The following GOLGA3 variants were observed in gnomAD, a reference collection of about 807,000 sequenced individuals.
The protein encoded by GOLGA3 is golgin A3.
GOLGA3 carries 75 observed loss-of-function variants against 169.4 expected under a neutral mutation model. The ratio of observed to expected loss-of-function variants is 0.44; its 90% CI spans 0.37 to 0.54. The LOEUF is 0.54. Ranked by LOEUF, GOLGA3 falls within the 20% of genes least tolerant of loss-of-function variation. The pLI is 0.00. For missense variants in GOLGA3, 1,899 were observed against 1,930.0 expected (o/e 0.98, Z 0.30); for synonymous variants, 824 against 822.4 (o/e 1.00, Z -0.03).
chr12:132,786,199 G>T, intron 15 of GOLGA3, 140 bp downstream of exon 15: 1 of 612,758 alleles, frequency 1.6e-6, no homozygotes, highest in Non-Finnish European at 2.9e-6. Context: ...TAACCTGGAA[G>T]ATGAGCGGGA....
chr12:132,808,698 C>G (rs577663131), intron 4 of GOLGA3, 149 bp from the exon 5 acceptor site: 1 of 700,996 alleles, frequency 1.4e-6, no homozygotes, highest in East Asian at 2.5e-5. Context: ...ACACAGGGTG[C>G]GGCCAGGCCT....
At chr12:132,781,085 G>C (rs1362002336) in intron 17 of GOLGA3, among the ~76,000 whole-genome samples, 171 bp from the exon 18 acceptor site, 1 of 152,256 alleles carries the variant, frequency 6.6e-6, no homozygotes. Flanking sequence ...GGTTGCGGGA[G>C]CATGATCACA....
At chr12:132,811,725 G>T in intron 4 of GOLGA3, 4 of 157,818 alleles carry the variant, frequency 2.5e-5, no homozygotes, top group Non-Finnish European at 2.6e-5. Context: ...CCCTCCCATA[G>T]TGCTGGGATT....
At chr12:132,793,858 A>G (rs1166106766) in intron 11 of GOLGA3, among the ~76,000 whole-genome samples, 2 of 152,216 alleles carry the variant, frequency 1.3e-5, no homozygotes, top group Admixed American at 6.5e-5. Flanking sequence ...CTCTCAGTGC[A>G]CACACACATG....
intron 8 of GOLGA3, among the ~76,000 whole-genome samples, chr12:132,798,789 G>A (rs1490509184): frequency 6.6e-6 from 1 of 152,140 alleles, no homozygotes; most frequent in Non-Finnish European, 1.5e-5. Flanking sequence ...CCCTGTGGGT[G>A]AGGAGGGGCA....
At chr12:132,819,397 C>T (rs1950119047) in intron 2 of GOLGA3, among the ~76,000 whole-genome samples, 1 of 152,084 alleles carries the variant, frequency 6.6e-6, no homozygotes. Context: ...GGCGTGGTGG[C>T]GGGCGCCTAT....
In GOLGA3 at chr12:132,777,586, G is replaced by A. The variant is rs944078640; in HGVS notation, c.3722+80C>T. 1.4e-5 allele frequency: 21 copies of A among 1,489,966 alleles called. No individual in the cohort carries two copies. The highest frequency in any genetic ancestry group is 1.4e-4 in the East Asian group (6 of 44,098). The allele number at this position is 1,489,966 out of a possible 1,614,324, so 92.3% of individuals were successfully genotyped here. On this transcript the variant is annotated intron_variant, in intron 19 of 23. Transcript: ENST00000450791. This position sits in a 1 kb window ranked among gnomAD's most constrained non-coding sequence, Gnocchi z 4.7. ...AATTTGCAAAATATAGATGACCCTC[G>A]CTGTGCTGAAGGTGTGAATTAGACC... is the stretch of plus-strand genomic sequence containing the variant.
intron 15 of GOLGA3, 25 bp downstream of exon 15, chr12:132,786,314 C>A: frequency 4.0e-6 from 6 of 1,506,234 alleles, no homozygotes; most frequent in Non-Finnish European, 5.4e-6. Context: ...GTGACCCTGG[C>A]CGGGGATGGC....
Position 132,772,543 on chromosome 12 carries a change from C to CAAAAAAAAAAAAAAAAAA in GOLGA3, c.*544_*561dup, listed in dbSNP as rs34381645. 1 of 86,158 alleles carries CAAAAAAAAAAAAAAAAAA rather than the reference C, an allele frequency of 1.2e-5. No individual in the cohort carries two copies. The highest frequency in any genetic ancestry group is 2.1e-5 in the Non-Finnish European group (1 of 47,674). 5.3% of individuals were successfully genotyped at this position (86,158 alleles called of 1,614,324 possible). On this transcript the variant is annotated 3_prime_UTR_variant, in exon 24 of 24. Coordinates refer to ENST00000450791, the MANE Select transcript of GOLGA3 (RefSeq NM_001389683.1). ...TGGGCAACAAAGCGAGACTCTGTCTCAAAAAAAAAAAAAAAAAAAAAACAA... is the reference window on the plus strand; with the variant it reads ...TGGGCAACAAAGCGAGACTCTGTCTCAAAAAAAAAAAAAAAAAAAAAAAAAAAAAAAAAAAAAAAACAA...
At chr12:132,810,582 G>T (rs1949650636) in intron 4 of GOLGA3, among the ~76,000 whole-genome samples, 1 of 148,888 alleles carries the variant, frequency 6.7e-6, no homozygotes, top group Non-Finnish European at 1.5e-5. Flanking sequence ...GATAGGAGCT[G>T]AGGGGACACA....
Position 132,822,096 on chromosome 12 carries a change from G to A in GOLGA3, c.33C>T (p.Leu11=). The part of the protein sequence containing the change: MDGASAEQDG[L]QEDRSHSGPS... The stretch of plus-strand genomic sequence containing the variant: ...GGCCACTGTGGGATCTGTCCTCCTG[G>A]AGGCCATCTTGCTCGGCCGACGCGC... The change falls in exon 2 of 24, where the codon CTC becomes CTT. Residue 11 remains leucine (L), a synonymous_variant. Transcript: ENST00000450791. 1 of 1,608,546 alleles carries A rather than the reference G, an allele frequency of 6.2e-7. No homozygotes were observed. Among genetic ancestry groups the A allele is most frequent in the South Asian group, 1.1e-5 (1 of 90,542 alleles).
In GOLGA3 at chr12:132,807,278, C is replaced by T. The variant is rs781077927; in HGVS notation, c.1189G>A (p.Glu397Lys). Residue 397 changes from glutamate (E) to lysine (K), a missense_variant, in exon 6 of 24, where the codon GAG becomes AAG. Transcript: ENST00000450791. ...TCCTGTGTTTCTGCTGCAGAGCTCT[C>T]CAAGGACACGCTGGGGACAAAGGCA... is the stretch of plus-strand genomic sequence containing the variant. ...RDSICSSVSL[E>K]SSAAETQEEM... The T allele has an allele frequency of 1.3e-6, 2 of 1,562,128 alleles. No homozygotes were observed. The highest frequency in any genetic ancestry group is 1.7e-6 in the Non-Finnish European group (2 of 1,150,016).
chr12:132,814,032 T>A (rs1372617761), intron 3 of GOLGA3, among the ~76,000 whole-genome samples: 1 of 146,722 alleles, frequency 6.8e-6, no homozygotes, highest in East Asian at 2.0e-4. Context: ...CCTTTTTTTT[T>A]TTTTTTTTTG....
chr12:132,828,963 A>C (rs1484956716), upstream of GOLGA3: 1 of 152,282 alleles, frequency 6.6e-6, no homozygotes, highest in Non-Finnish European at 1.5e-5. Flanking sequence ...CCTCTTCTTC[A>C]AGTGGCCACC....
rs12369059 is a variant in GOLGA3, at chr12:132,771,913, C to T, written c.*1192G>A. On this transcript the variant is annotated 3_prime_UTR_variant, in exon 24 of 24. Transcript: ENST00000450791. ...AAAGGTCAGATCAGATATGGGGCCT[C>T]AGTGTCCTTGTGCCTCCTGATGGCC... The T allele has an allele frequency of 0.13, 19,772 of 152,480 alleles. 1,364 individuals carry two copies. The highest frequency in any genetic ancestry group is 0.15 in the South Asian group (744 of 4,832). The allele number at this position is 152,480 out of a possible 1,614,324, so 9.4% of individuals were successfully genotyped here.
chr12:132,791,618 T>A (rs1224948068), intron 11 of GOLGA3, among the ~76,000 whole-genome samples: 1 of 144,554 alleles, frequency 6.9e-6, no homozygotes, highest in Non-Finnish European at 1.5e-5. Flanking sequence ...CACTGAGGAC[T>A]ATAGGAGGGG....
chr12:132,778,445 C>A lies in GOLGA3; in HGVS notation c.3583-640G>T, dbSNP rs531266592. 2.7e-5 allele frequency among the ~76,000 whole-genome samples: 4 copies of A among 150,510 alleles called. No homozygotes were observed. In the South Asian group the frequency reaches 6.3e-4, roughly 24 times the overall value. ...AATTAGCCAGGCGTGGTGGCGGGCACCTGTAGTCCCAGCTACTCAGGAGGC... is the reference window on the plus strand; with the variant it reads ...AATTAGCCAGGCGTGGTGGCGGGCAACTGTAGTCCCAGCTACTCAGGAGGC... On this transcript the variant is annotated intron_variant, in intron 18 of 23. Coordinates refer to ENST00000450791, the MANE Select transcript of GOLGA3 (RefSeq NM_001389683.1).
chr12:132,795,966 GGCCGCCTGCAAA>G lies in GOLGA3; in HGVS notation c.2343_2354del (p.Leu782_Ala785del), dbSNP rs1566101616. 1 of 1,613,868 alleles carries G rather than the reference GGCCGCCTGCAAA, an allele frequency of 6.2e-7. No individual in the cohort carries two copies. The highest frequency in any genetic ancestry group is 8.5e-7 in the Non-Finnish European group (1 of 1,180,016). Reference sequence around the variant, plus strand: ...TGTCAAGCTCCTCCTTGCCACTCTTGGCCGCCTGCAAAGCCGCCTCCAAGATGATCTTCTCGT... The same window carrying G: ...TGTCAAGCTCCTCCTTGCCACTCTTGGCCGCCTCCAAGATGATCTTCTCGT... On this transcript the variant is annotated inframe_deletion, in exon 11 of 24. Coordinates refer to ENST00000450791, the MANE Select transcript of GOLGA3 (RefSeq NM_001389683.1).
rs148152813 is a variant in GOLGA3, at chr12:132,774,213, C to T, written c.4251G>A (p.Pro1417=). The change falls in exon 23 of 24, where the codon CCG becomes CCA. Residue 1417 remains proline (P), a synonymous_variant. Transcript: ENST00000450791. ...TGAGGGGCTCCTTGCTCACGGCGGG[C>T]GGTGGTCTCAGCAGCTCCTCCAGCA... The part of the protein sequence containing the change: ...ASLLEELLRP[P]PAVSKEPLKN... 1.3e-3 allele frequency: 2,095 copies of T among 1,610,406 alleles called. 3 individuals are homozygous for T. The highest frequency in any genetic ancestry group is 3.8e-3 in the Middle Eastern group (23 of 6,042).
Sources: allele counts gnomAD v4.1 joint callset (sites outside exome capture counted in the v4.1 genomes callset), GRCh38; gene constraint gnomAD v4.1.1; non-coding constraint Gnocchi (gnomAD v3.1); transcripts MANE v1.5; gene names NCBI Gene and HGNC (gene_info 2026-07-23, HGNC 2026-07-21).